Variants in SGPL1 observed in about 807,000 individuals in gnomAD.
The protein encoded by SGPL1 is SP-lyase 1.
SGPL1 carries 37 observed loss-of-function variants against 68.9 expected under a neutral mutation model. The ratio of observed to expected loss-of-function variants is 0.54; its 90% CI spans 0.41 to 0.71. SGPL1 has a LOEUF of 0.71. SGPL1 is among the 30% of genes least tolerant of loss of function. The pLI is 0.00. For missense variants in SGPL1, 551 were observed against 704.6 expected (o/e 0.78, Z 2.47); for synonymous variants, 236 against 248.5 (o/e 0.95, Z 0.47).
Position 70,851,185 on chromosome 10 carries a change from G to A in SGPL1, c.236G>A (p.Arg79Lys), listed in dbSNP as rs886413276. 3 of 1,613,710 alleles carry A rather than the reference G, an allele frequency of 1.9e-6. No individual in the cohort carries two copies. The highest frequency in any genetic ancestry group is 2.5e-6 in the Non-Finnish European group (3 of 1,179,778). The change falls in exon 4 of 15, where the codon AGG becomes AAG. Residue 79 changes from arginine (R) to lysine (K), a missense_variant. By Grantham distance (26) the Arg-to-Lys change is conservative. Transcript: ENST00000373202. ...AAAAAGAAATGTTTTAAGCTCACCAGGAAGATGCCCATTATTGGTCGTAAG... is the reference window on the plus strand; with the variant it reads ...AAAAAGAAATGTTTTAAGCTCACCAAGAAGATGCCCATTATTGGTCGTAAG... Reference protein sequence around the residue: ...RFKKKCFKLTRKMPIIGRKIQ... With the variant: ...RFKKKCFKLTKKMPIIGRKIQ...
intron 9 of SGPL1, chr10:70,870,143 G>A (rs1846265838): frequency 1.4e-5 from 5 of 367,090 alleles, no homozygotes; most frequent in Non-Finnish European, 2.4e-5. Flanking sequence ...TGCGGTCAGC[G>A]CCATCACTTT....
At chr10:70,816,527 G>C (rs187286925) in intron 1 of SGPL1, among the ~76,000 whole-genome samples, 230 of 152,294 alleles carry the variant, frequency 1.5e-3, no homozygotes, top group African/African-American at 5.3e-3. Flanking sequence ...TCCCCACCCC[G>C]ATCGCGCGCA....
In SGPL1 at chr10:70,816,504, G is replaced by T. The variant is rs554969038; in HGVS notation, c.-43-307G>T. ...CGGCACCTTCAGCCCGGGTTAGGTG[G>T]CCTGGGCTGGGCTCCCCACCCCGAT... On this transcript the variant is annotated intron_variant, in intron 1 of 14. Coordinates refer to ENST00000373202, the MANE Select transcript of SGPL1 (RefSeq NM_003901.4). Among the ~76,000 whole-genome samples, 3 of 152,296 alleles carry T rather than the reference G, an allele frequency of 2.0e-5. No homozygotes were observed. In the South Asian group the frequency reaches 6.2e-4, roughly 32 times the overall value.
rs957481105 is a variant in SGPL1 at position 70,827,301 on chromosome 10, A to G, written c.27+10421A>G. On this transcript the variant is annotated intron_variant, in intron 2 of 14. Coordinates refer to ENST00000373202, the MANE Select transcript of SGPL1 (RefSeq NM_003901.4). ...GTACCCTTTTCAATGTTTACCAACCACTTGGATTTTCTGTTTTGTGGCTGC... is the reference window on the plus strand; with the variant it reads ...GTACCCTTTTCAATGTTTACCAACCGCTTGGATTTTCTGTTTTGTGGCTGC... Among the ~76,000 whole-genome samples the G allele has an allele frequency of 2.0e-5, 3 of 152,186 alleles. No individual in the cohort carries two copies. The South Asian group carries it at 6.2e-4, about 32-fold the overall frequency.
intron 2 of SGPL1, among the ~76,000 whole-genome samples, chr10:70,835,683 C>G (rs1299813662): frequency 1.3e-5 from 2 of 149,428 alleles, no homozygotes; most frequent in East Asian, 2.0e-4. Flanking sequence ...TTGCAGTGAA[C>G]CAAGATTGCA....
chr10:70,872,702 G>T (rs1238300172), intron 11 of SGPL1, among the ~76,000 whole-genome samples: 1 of 152,170 alleles, frequency 6.6e-6, no homozygotes, highest in Admixed American at 6.5e-5. Flanking sequence ...GTCAGCATCT[G>T]TTTTTTCCTT....
At chr10:70,854,597 TA>T in intron 4 of SGPL1, 110 bp from the exon 5 acceptor site, 1 of 841,150 alleles carries the variant, frequency 1.2e-6, no homozygotes, top group Non-Finnish European at 1.9e-6. Flanking sequence ...AATGTTAGTT[TA>T]GTTACTTGTG....
intron 2 of SGPL1, among the ~76,000 whole-genome samples, chr10:70,819,399 T>C (rs1334448453): frequency 1.3e-5 from 2 of 152,222 alleles, no homozygotes; most frequent in Non-Finnish European, 2.9e-5. Flanking sequence ...CTGTAATGTA[T>C]AATGCTATTT....
At chr10:70,818,920 A>T (rs185054351) in intron 2 of SGPL1, among the ~76,000 whole-genome samples, 411 of 152,326 alleles carry the variant, frequency 2.7e-3, no homozygotes, top group African/African-American at 9.5e-3. Context: ...CATCCCCTTC[A>T]TTCGCCTCTA....
chr10:70,818,610 G>T (rs1845281851), intron 2 of SGPL1, among the ~76,000 whole-genome samples: 1 of 152,160 alleles, frequency 6.6e-6, no homozygotes, highest in South Asian at 2.1e-4. Flanking sequence ...TAACCTGTAA[G>T]GTCTGCAGGG....
chr10:70,832,758 A>C (rs914264634), intron 2 of SGPL1, among the ~76,000 whole-genome samples: 2 of 152,148 alleles, frequency 1.3e-5, no homozygotes, highest in African/African-American at 4.8e-5. Context: ...CCATGTGCAA[A>C]TTTGCATATT....
At chr10:70,840,661 G>T (rs1023846094) in intron 2 of SGPL1, among the ~76,000 whole-genome samples, 1 of 152,116 alleles carries the variant, frequency 6.6e-6, no homozygotes, top group Non-Finnish European at 1.5e-5. Context: ...TCTGTCTTTG[G>T]TGTTAAAGAA....
chr10:70,871,867 G>C lies in SGPL1; in HGVS notation c.940G>C (p.Val314Leu), dbSNP rs1846303285. The C allele has an allele frequency of 3.7e-6, 6 of 1,613,980 alleles. No individual in the cohort carries two copies. Among genetic ancestry groups the C allele is most frequent in the South Asian group, 1.1e-5 (1 of 91,064 alleles). ...LAVKYKIPLH[V>L]DACLGGFLIV... is the part of the protein sequence containing the mutation. ...TGTCAAATACAAAATACCCCTTCAT[G>C]TCGACGCTTGTCTGGGAGGCTTCCT... Residue 314 changes from valine (V) to leucine (L), a missense_variant, in exon 11 of 15, where the codon GTC becomes CTC. By Grantham distance (32) the Val-to-Leu change is conservative (BLOSUM62 1). Coordinates refer to ENST00000373202, the MANE Select transcript of SGPL1 (RefSeq NM_003901.4).
chr10:70,819,068 T>C (rs1040296297), intron 2 of SGPL1, among the ~76,000 whole-genome samples: 1 of 152,218 alleles, frequency 6.6e-6, no homozygotes, highest in African/African-American at 2.4e-5. Flanking sequence ...TAGGTTCTTA[T>C]ATGTAAGATA....
At chr10:70,837,853 A>G (rs900864702) in intron 2 of SGPL1, among the ~76,000 whole-genome samples, 1 of 152,194 alleles carries the variant, frequency 6.6e-6, no homozygotes, top group Non-Finnish European at 1.5e-5. Context: ...GTCCAAGAGC[A>G]TGGCACTGAT....
At chr10:70,847,406 C>G (rs1042743998) in intron 3 of SGPL1, among the ~76,000 whole-genome samples, 1 of 152,162 alleles carries the variant, frequency 6.6e-6, no homozygotes, top group East Asian at 1.9e-4. Context: ...ACCTCAACCT[C>G]CCAAAGTGCT....
intron 13 of SGPL1, 31 bp from the exon 14 acceptor site, chr10:70,876,510 G>C: frequency 6.3e-7 from 1 of 1,581,166 alleles, no homozygotes; most frequent in Non-Finnish European, 8.6e-7. Flanking sequence ...CTTTCTTCAA[G>C]GTTCATCTCT....
At chr10:70,871,576 C>T (rs1012665550) in intron 10 of SGPL1, among the ~76,000 whole-genome samples, 1 of 152,144 alleles carries the variant, frequency 6.6e-6, no homozygotes, top group Admixed American at 6.5e-5. Context: ...TCATTTCCTG[C>T]TTGATACCGC....
chr10:70,859,582 A>T (rs762633772), intron 7 of SGPL1, 83 bp downstream of exon 7: 1 of 652,296 alleles, frequency 1.5e-6, no homozygotes, highest in Middle Eastern at 6.8e-4. Context: ...ATTATATTTT[A>T]AAAAATAAAA....
Sources: gnomAD v4.1 joint callset for allele counts (sites outside exome capture counted in the v4.1 genomes callset) on GRCh38, gnomAD v4.1.1 for gene constraint, MANE v1.5 for transcripts, NCBI Gene and HGNC (gene_info 2026-07-23, HGNC 2026-07-21) for gene names.